Variants in TK2 observed in about 807,000 individuals in gnomAD.
The protein encoded by TK2 is thymidine kinase 2.
A neutral mutation model predicts 41.9 loss-of-function variants in TK2; 35 were observed. That is an observed-to-expected ratio of 0.84 (90% CI 0.64 to 1.11). TK2 has a LOEUF of 1.11. Among genes scored for constraint, TK2 ranks in the 50% least tolerant of loss-of-function variants. TK2 has a pLI of 0.00. For missense variants in TK2, 320 were observed against 351.1 expected, an observed-to-expected ratio of 0.91 and a Z score of 0.71; for synonymous variants, 128 against 129.1, an observed-to-expected ratio of 0.99 and a Z score of 0.06.
chr16:66,548,268 C>T (rs369641901), intron 2 of TK2, among the ~76,000 whole-genome samples: 2 of 152,116 alleles, frequency 1.3e-5, no homozygotes, highest in Admixed American at 6.6e-5. Flanking sequence ...GGGGCCTGCC[C>T]GCACTGTCTA....
At chr16:66,535,026 A>C (rs1265384514) in intron 4 of TK2, among the ~76,000 whole-genome samples, 1 of 152,096 alleles carries the variant, frequency 6.6e-6, no homozygotes, top group Non-Finnish European at 1.5e-5. Context: ...GTGCAAACTA[A>C]TGAAACTCCA....
chr16:66,535,087 T>A (rs1261674398), intron 4 of TK2, among the ~76,000 whole-genome samples: 1 of 152,090 alleles, frequency 6.6e-6, no homozygotes, highest in East Asian at 1.9e-4. Context: ...TGAGAGAAAA[T>A]CTCATAAAGG....
At chr16:66,523,784 G>A (rs969885880) in intron 6 of TK2, among the ~76,000 whole-genome samples, 5 of 152,142 alleles carry the variant, frequency 3.3e-5, no homozygotes, top group Admixed American at 1.3e-4. Context: ...AGCTGAGATC[G>A]CCTGAGTGAT....
At position 66,511,650 on chromosome 16, in the gene TK2, T is replaced by C; in HGVS notation, c.*318A>G. ...CGATTGGTACACAGCTCCAGCGTGG[T>C]GTCAGGCACACAACAGGTGCTCTCC... On this transcript the variant is annotated 3_prime_UTR_variant, in exon 10 of 10. Transcript: ENST00000544898. The C allele has an allele frequency of 2.3e-6, 1 of 439,396 alleles. No individual in the cohort carries two copies. Among genetic ancestry groups the C allele is most frequent in the Non-Finnish European group, 4.2e-6 (1 of 235,526 alleles). 27.2% of individuals were successfully genotyped at this position (439,396 alleles called of 1,614,324 possible).
chr16:66,516,327 G>A (rs903000144), intron 8 of TK2, among the ~76,000 whole-genome samples: 2 of 152,234 alleles, frequency 1.3e-5, no homozygotes, highest in African/African-American at 2.4e-5. Context: ...GGTTGTTTGT[G>A]TGTGGCCACA....
chr16:66,544,294 G>A (rs944697087), intron 2 of TK2, among the ~76,000 whole-genome samples: 2 of 152,184 alleles, frequency 1.3e-5, no homozygotes, highest in African/African-American at 4.8e-5. Context: ...TCTTTTTAAA[G>A]TGATGTCTAA....
rs771317565 is a variant in TK2 at position 66,513,695 on chromosome 16, G to A, written c.699+36C>T. ...ATTCCCCGGGTCACTCCTCTTTCTA[G>A]AACAGTCTCGTACCCTGTAAGGGAG... On this transcript the variant is annotated intron_variant, in intron 9 of 9. Coordinates refer to ENST00000544898, the MANE Select transcript of TK2 (RefSeq NM_004614.5). 5 of 1,596,036 alleles carry A rather than the reference G, an allele frequency of 3.1e-6. No homozygotes were observed. The South Asian group carries it at 5.5e-5, about 18-fold the overall frequency.
chr16:66,533,109 A>T (rs1323544659), intron 4 of TK2, among the ~76,000 whole-genome samples: 1 of 147,114 alleles, frequency 6.8e-6, no homozygotes. Flanking sequence ...TTGCTCTGTC[A>T]CCCAGACTGA....
At position 66,511,734 on chromosome 16, in the gene TK2, A is replaced by C; in HGVS notation, c.*234T>G. ...AAGCCATGGGAGAGGCACCGGGGGA[A>C]TGTGAGGCTGCGAACAGCAAAGGGC... is the stretch of plus-strand genomic sequence containing the variant. On this transcript the variant is annotated 3_prime_UTR_variant, in exon 10 of 10. Coordinates refer to ENST00000544898, the MANE Select transcript of TK2 (RefSeq NM_004614.5). 2.2e-5 allele frequency: 13 copies of C among 578,348 alleles called. No individual in the cohort carries two copies. Among genetic ancestry groups the C allele is most frequent in the East Asian group, 6.2e-5 (2 of 32,010 alleles). The allele number at this position is 578,348 out of a possible 1,614,324, so 35.8% of individuals were successfully genotyped here.
At chr16:66,513,564 C>A (rs1427844541) in intron 9 of TK2, among the ~76,000 whole-genome samples, 167 bp downstream of exon 9, 1 of 152,140 alleles carries the variant, frequency 6.6e-6, no homozygotes, top group Non-Finnish European at 1.5e-5. Flanking sequence ...GAGACTCAGC[C>A]CAGAAACAGG....
intron 2 of TK2, among the ~76,000 whole-genome samples, chr16:66,542,433 A>G (rs1965485519): frequency 6.6e-6 from 1 of 152,230 alleles, no homozygotes; most frequent in African/African-American, 2.4e-5. Flanking sequence ...GAAGAAAAAA[A>G]GAGCAAGGAC....
rs1049255523 is a variant in TK2 at position 66,508,038 on chromosome 16, G to A, written c.*3930C>T. ...ATGGTTTATTTGACCACTCTCTTAT[G>A]TATGCATCTTTAGATTGTTACCAAT... On this transcript the variant is annotated 3_prime_UTR_variant, in exon 10 of 10. Coordinates refer to ENST00000544898, the MANE Select transcript of TK2 (RefSeq NM_004614.5). 1 of 152,132 alleles carries A rather than the reference G, an allele frequency of 6.6e-6. No individual in the cohort carries two copies. The highest frequency in any genetic ancestry group is 1.5e-5 in the Non-Finnish European group (1 of 68,030). The allele number at this position is 152,132 out of a possible 1,614,324, so 9.4% of individuals were successfully genotyped here. A position where few individuals can be genotyped will look rare whatever the true frequency, so the allele number is the denominator to read the frequency against.
chr16:66,545,881 G>C (rs570202233), intron 2 of TK2, among the ~76,000 whole-genome samples: 1 of 151,848 alleles, frequency 6.6e-6, no homozygotes, highest in African/African-American at 2.4e-5. Flanking sequence ...AAGATCCCAC[G>C]CTATATGTTC....
intron 8 of TK2, 87 bp from the exon 9 acceptor site, chr16:66,513,898 T>A (rs1597074318): frequency 8.7e-7 from 1 of 1,147,224 alleles, no homozygotes; most frequent in Non-Finnish European, 1.3e-6. Context: ...GTCAAAGTAG[T>A]CAATGACCAT....
Position 66,510,418 on chromosome 16 carries a change from C to G in TK2, c.*1550G>C, listed in dbSNP as rs1964418473. 4 of 152,262 alleles carry G rather than the reference C, an allele frequency of 2.6e-5. No homozygotes were observed. The highest frequency in any genetic ancestry group is 2.6e-4 in the Admixed American group (4 of 15,272). The allele number at this position is 152,262 out of a possible 1,614,324, so 9.4% of individuals were successfully genotyped here. A position where few individuals can be genotyped will look rare whatever the true frequency, so the allele number is the denominator to read the frequency against. On this transcript the variant is annotated 3_prime_UTR_variant, in exon 10 of 10. Transcript: ENST00000544898. ...GCTACAGGTGCTGCTAGACACAGCT[C>G]CCGCCTGGCTGCTGCCTCTCATCCT...
In TK2 at chr16:66,549,520, C is replaced by T. The variant is rs1351410106; in HGVS notation, c.124+418G>A. On this transcript the variant is annotated intron_variant, in intron 1 of 9. Coordinates refer to ENST00000544898, the MANE Select transcript of TK2 (RefSeq NM_004614.5). ...TGACCCGTTTCTGTGTGGGTCCCCACTCCCAGGGAGGGCAGGAGAGCGCCG... is the reference window on the plus strand; with the variant it reads ...TGACCCGTTTCTGTGTGGGTCCCCATTCCCAGGGAGGGCAGGAGAGCGCCG... 4.8e-6 allele frequency: 5 copies of T among 1,040,612 alleles called. No individual in the cohort carries two copies. In the East Asian group the frequency reaches 2.5e-4, roughly 53 times the overall value. 64.5% of individuals were successfully genotyped at this position (1,040,612 alleles called of 1,614,324 possible). A position where few individuals can be genotyped will look rare whatever the true frequency, so the allele number is the denominator to read the frequency against.
intron 3 of TK2, among the ~76,000 whole-genome samples, chr16:66,541,072 TAACAC>T (rs1482985396): frequency 1.3e-5 from 2 of 152,240 alleles, no homozygotes; most frequent in African/African-American, 4.8e-5. Flanking sequence ...CATAAATACT[TAACAC>T]AAACTTGTTT....
At chr16:66,539,984 A>T (rs962364008) in intron 3 of TK2, among the ~76,000 whole-genome samples, 5 of 152,148 alleles carry the variant, frequency 3.3e-5, no homozygotes, top group African/African-American at 9.7e-5. Flanking sequence ...CCCTCCCAAG[A>T]TCTAAGTTCC....
chr16:66,533,747 T>C (rs28626568), intron 4 of TK2, among the ~76,000 whole-genome samples: 38,930 of 151,718 alleles, frequency 0.26, 7,392 homozygotes, highest in African/African-American at 0.53. Flanking sequence ...GTGGCTCACG[T>C]CTGTAATCCC....
Sources: allele counts gnomAD v4.1 joint callset (sites outside exome capture counted in the v4.1 genomes callset), GRCh38; gene constraint gnomAD v4.1.1; transcripts MANE v1.5; gene names NCBI Gene and HGNC (gene_info 2026-07-23, HGNC 2026-07-21).